CD209: variants seen among roughly 807,000 people sequenced by gnomAD.
The protein encoded by CD209 is CD209 molecule, also known as CD209 antigen.
A neutral mutation model predicts 44.7 loss-of-function variants in CD209; 31 were observed. That is an observed-to-expected ratio of 0.69 (90% confidence interval 0.52 to 0.94). The LOEUF (loss-of-function observed/expected upper bound fraction) is 0.94, where lower values mean the gene tolerates loss of function less well. Ranked by LOEUF, CD209 falls within the 40% of genes least tolerant of loss-of-function variation. CD209 has a pLI of 0.00. For missense variants in CD209, 407 were observed against 452.4 expected (o/e 0.90, Z 0.91); for synonymous variants, 173 against 181.3 (o/e 0.95, Z 0.37).
chr19:7,744,029 G>A, intron 6 of CD209, 78 bp downstream of exon 6: 3 of 1,222,398 alleles, frequency 2.5e-6, no homozygotes, highest in Non-Finnish European at 3.6e-6. Context: ...GGGAGTTGGG[G>A]AGGATCCCCA....
rs941110407 is a variant in CD209 at position 7,742,005 on chromosome 19, G to T, written c.*1034C>A. 36 of 325,628 alleles carry T rather than the reference G, an allele frequency of 1.1e-4. No individual in the cohort carries two copies. The highest frequency in any genetic ancestry group is 7.8e-4 in the African/African-American group (35 of 45,094). The allele number at this position is 325,628 out of a possible 1,614,324, so 20.2% of individuals were successfully genotyped here. ...CCTAGCAGAGGAAGAAATAGTGACC[G>T]CAGCGGGGGCCGGTGCAGCCGCAGT... is the stretch of plus-strand genomic sequence containing the variant. On this transcript the variant is annotated 3_prime_UTR_variant, in exon 7 of 7. Transcript: ENST00000315599.
Position 7,745,665 on chromosome 19 carries a change from C to A in CD209, c.601G>T (p.Ala201Ser). 1 of 628,078 alleles carries A rather than the reference C, an allele frequency of 1.6e-6. No individual in the cohort carries two copies. The highest frequency in any genetic ancestry group is 1.9e-5 in the African/African-American group (1 of 53,642). The allele number at this position is 628,078 out of a possible 1,614,324, so 38.9% of individuals were successfully genotyped here. A position where few individuals can be genotyped will look rare whatever the true frequency, so the allele number is the denominator to read the frequency against. The change falls in exon 4 of 7, where the codon GCT becomes TCT. Residue 201 changes from alanine (A) to serine (S), a missense_variant. Ala to Ser is a moderately conservative substitution (Grantham distance 99, BLOSUM62 1). Around this residue, in one of 3 missense-constraint regions of CD209, gnomAD observed 85 missense variants for 139.9 expected, o/e 0.61. Transcript: ENST00000315599. ...EIYQELTRLK[A>S]AVGELPEKSK... ...TTCTCTGGAAGCTCACCCACTGCAG[C>A]CTTCAGCCGGGTCAGCTCCTGGTAG... is the stretch of plus-strand genomic sequence containing the variant.
At chr19:7,744,258 C>T (rs768005982) in intron 5 of CD209, 39 bp from the exon 6 acceptor site, 13 of 1,471,160 alleles carry the variant, frequency 8.8e-6, no homozygotes, top group Non-Finnish European at 1.2e-5. Flanking sequence ...AGCTCTGCTT[C>T]CCATTTTCCA....
In CD209 at chr19:7,741,117, C is replaced by T. The variant is rs754714381; in HGVS notation, c.*1922G>A. The T allele has an allele frequency of 5.7e-6, 6 of 1,049,354 alleles. No homozygotes were observed. The highest frequency in any genetic ancestry group is 1.6e-5 in the African/African-American group (1 of 63,590). 65.0% of individuals were successfully genotyped at this position (1,049,354 alleles called of 1,614,324 possible). On this transcript the variant is annotated 3_prime_UTR_variant, in exon 7 of 7. Transcript: ENST00000315599. Reference sequence around the variant, plus strand: ...ACTCCGAAGCAAGCCTGGAGTACAGCGAGGAAGAAACCTACCAACAGTTCC... The same window carrying T: ...ACTCCGAAGCAAGCCTGGAGTACAGTGAGGAAGAAACCTACCAACAGTTCC...
intron 5 of CD209, 124 bp downstream of exon 5, chr19:7,744,817 C>T (rs1403878131): frequency 8.9e-6 from 12 of 1,342,982 alleles, no homozygotes; most frequent in Non-Finnish European, 1.2e-5. Context: ...CATTCATATC[C>T]TTCTCCTCCC....
chr19:7,743,316 G>C, intron 6 of CD209, 76 bp from the exon 7 acceptor site: 2 of 1,287,328 alleles, frequency 1.6e-6, no homozygotes, highest in Non-Finnish European at 2.3e-6. Context: ...CTGTCATCTT[G>C]ATGCCTTAAC....
rs2033570133 is a variant in CD209 at position 7,740,283 on chromosome 19, T to G, written c.*2756A>C. 3 of 451,944 alleles carry G rather than the reference T, an allele frequency of 6.6e-6. No homozygotes were observed. The highest frequency in any genetic ancestry group is 1.2e-5 in the Non-Finnish European group (3 of 246,202). The allele number at this position is 451,944 out of a possible 1,614,324, so 28.0% of individuals were successfully genotyped here. A position where few individuals can be genotyped will look rare whatever the true frequency, so the allele number is the denominator to read the frequency against. ...TTCCACGTGGATTTGCACGCTTCGT[T>G]CATCTGGACATGCCCAGGGTATGTA... On this transcript the variant is annotated 3_prime_UTR_variant, in exon 7 of 7. Coordinates refer to ENST00000315599, the MANE Select transcript of CD209 (RefSeq NM_021155.4).
chr19:7,740,772 T>A lies in CD209; in HGVS notation c.*2267A>T. On this transcript the variant is annotated 3_prime_UTR_variant, in exon 7 of 7. Coordinates refer to ENST00000315599, the MANE Select transcript of CD209 (RefSeq NM_021155.4). ...ACAAGAGCGAAAGTTAAAGGAACAA[T>A]GGGAAGAACAGCAGAGGAAAGAGAG... The A allele has an allele frequency of 1.3e-6, 1 of 762,038 alleles. No homozygotes were observed. The highest frequency in any genetic ancestry group is 2.5e-6 in the Non-Finnish European group (1 of 407,688). The allele number at this position is 762,038 out of a possible 1,614,324, so 47.2% of individuals were successfully genotyped here. A position where few individuals can be genotyped will look rare whatever the true frequency, so the allele number is the denominator to read the frequency against.
intron 2 of CD209, among the ~76,000 whole-genome samples, chr19:7,746,965 C>T (rs1223994888): frequency 6.6e-6 from 1 of 151,632 alleles, no homozygotes; most frequent in Non-Finnish European, 1.5e-5. Flanking sequence ...CCCAGGAACC[C>T]AGGCCCAAGT....
chr19:7,747,165 A>G, intron 2 of CD209, 141 bp downstream of exon 2: 1 of 834,818 alleles, frequency 1.2e-6, no homozygotes, highest in Non-Finnish European at 1.9e-6. Flanking sequence ...CCCAAACTCA[A>G]CCTCCTCAGG....
In CD209 at chr19:7,747,282, C is replaced by T. The variant is rs574630415; in HGVS notation, c.106+24G>A. Reference sequence around the variant, plus strand: ...AGTCCAGGAGTCTCTCGTCTCTCCTCCCAAACTGCTAAGTCCTCTCTACCT... The same window carrying T: ...AGTCCAGGAGTCTCTCGTCTCTCCTTCCAAACTGCTAAGTCCTCTCTACCT... On this transcript the variant is annotated intron_variant, in intron 2 of 6. Coordinates refer to ENST00000315599, the MANE Select transcript of CD209 (RefSeq NM_021155.4). 4.2e-5 allele frequency: 67 copies of T among 1,613,962 alleles called. No individual in the cohort carries two copies. The East Asian group carries it at 1.4e-3, about 33-fold the overall frequency.
rs374114895 is a variant in CD209 at position 7,743,049 on chromosome 19, G to C, written c.1205C>G (p.Pro402Arg). 50 of 1,611,148 alleles carry C rather than the reference G, an allele frequency of 3.1e-5. No individual in the cohort carries two copies. Among genetic ancestry groups the C allele is most frequent in the Non-Finnish European group, 4.0e-5 (47 of 1,177,462 alleles). The change falls in exon 7 of 7, where the codon CCT becomes CGT. Residue 402 changes from proline (P) to arginine (R), a missense_variant. Pro to Arg is a moderately radical substitution (Grantham distance 103, BLOSUM62 -2). Around this residue, in one of 3 missense-constraint regions of CD209, gnomAD observed 200 missense variants for 202.2 expected, o/e 0.99. Transcript: ENST00000315599. ...GGGGGTGAAGTTCTGCTACGCAGGA[G>C]GGGGGTTTGGGGTGGCAGGGGCTGG... is the stretch of plus-strand genomic sequence containing the variant. Reference protein sequence around the residue: ...LSPAPATPNPPPA With the variant: ...LSPAPATPNPRPA
In CD209 at chr19:7,741,181, G is replaced by A. The variant is rs1289407239; in HGVS notation, c.*1858C>T. On this transcript the variant is annotated 3_prime_UTR_variant, in exon 7 of 7. Transcript: ENST00000315599. ...GGATGTGCTGCCCGAGTTCAAGAAC[G>A]TGGGGAGAGACTGGGCGCGGTGGCT... 1.1e-6 allele frequency: 1 copy of A among 937,828 alleles called. No individual in the cohort carries two copies. The highest frequency in any genetic ancestry group is 1.6e-6 in the Non-Finnish European group (1 of 627,580). 58.1% of individuals were successfully genotyped at this position (937,828 alleles called of 1,614,324 possible). A position where few individuals can be genotyped will look rare whatever the true frequency, so the allele number is the denominator to read the frequency against.
At chr19:7,745,203 C>G in intron 4 of CD209, 111 bp from the exon 5 acceptor site, 1 of 1,404,216 alleles carries the variant, frequency 7.1e-7, no homozygotes, top group Non-Finnish European at 9.7e-7. Context: ...CTGTCCACGC[C>G]GGGTAGACCA....
In CD209 at chr19:7,746,530, C is replaced by A. The variant is rs764996390; in HGVS notation, c.108G>T (p.Gly36=). ...RQTRGYKSLA[G]CLGHGPLVLQ... ...GCACCAGGGGACCATGGCCAAGACA[C>A]CCTGAGAGAGGATACATGCGTCAGC... Residue 36 remains glycine, a splice_region_variant and synonymous_variant, in exon 3 of 7, where the codon GGG becomes GGT. Coordinates refer to ENST00000315599, the MANE Select transcript of CD209 (RefSeq NM_021155.4). The A allele has an allele frequency of 6.2e-7, 1 of 1,613,744 alleles. No individual in the cohort carries two copies. The highest frequency in any genetic ancestry group is 1.1e-5 in the South Asian group (1 of 91,088).
intron 4 of CD209, 95 bp from the exon 5 acceptor site, chr19:7,745,187 C>T: frequency 6.7e-7 from 1 of 1,502,384 alleles, no homozygotes; most frequent in Admixed American, 1.8e-5. Flanking sequence ...CAGAGTCCTT[C>T]CTTGACTGTC....
At chr19:7,745,231 C>G in intron 4 of CD209, 139 bp from the exon 5 acceptor site, 1 of 1,232,400 alleles carries the variant, frequency 8.1e-7, no homozygotes, top group South Asian at 1.5e-5. Context: ...CCCCACTTCC[C>G]GAGACCCTCC....
intron 2 of CD209, 61 bp from the exon 3 acceptor site, chr19:7,746,592 G>T: frequency 1.3e-6 from 2 of 1,553,440 alleles, no homozygotes; most frequent in South Asian, 2.2e-5. Context: ...CCCAGGGAGA[G>T]CCTGGTCTAA....
Position 7,740,792 on chromosome 19 carries a change from A to G in CD209, c.*2247T>C. 1 of 760,334 alleles carries G rather than the reference A, an allele frequency of 1.3e-6. No homozygotes were observed. The allele number at this position is 760,334 out of a possible 1,614,324, so 47.1% of individuals were successfully genotyped here. ...AACAATGGGAAGAACAGCAGAGGAA[A>G]GAGAGAGAGGAGGAGGAACAGAAAC... On this transcript the variant is annotated 3_prime_UTR_variant, in exon 7 of 7. Transcript: ENST00000315599.
Sources: gnomAD v4.1 joint callset for allele counts (sites outside exome capture counted in the v4.1 genomes callset) on GRCh38, gnomAD v4.1.1 for gene constraint, gnomAD v4.1.1 regional missense constraint, MANE v1.5 for transcripts, NCBI Gene and HGNC (gene_info 2026-07-23, HGNC 2026-07-21) for gene names.